NHSL2: variants seen among roughly 807,000 people sequenced by gnomAD.
The protein encoded by NHSL2 is NHS-like protein 2.
A neutral mutation model predicts 53.4 loss-of-function variants in NHSL2; 27 were observed. The observed-to-expected ratio is 0.51, with a 90% CI of 0.37 to 0.70. The LOEUF (loss-of-function observed/expected upper bound fraction) is 0.70. Ranked by LOEUF, NHSL2 falls within the 30% of genes least tolerant of loss-of-function variation. The pLI is 0.00. For synonymous variants in NHSL2, 408 were observed against 404.1 expected (o/e 1.01, Z -0.12); for missense variants, 892 against 980.1 (o/e 0.91, Z 1.20).
chrX:72,144,417 C>A lies in NHSL2; in HGVS notation c.*843C>A. On this transcript the variant is annotated 3_prime_UTR_variant, in exon 8 of 8. Coordinates refer to ENST00000633930, the MANE Select transcript of NHSL2 (RefSeq NM_001013627.3). ...CCATGTGTCTGTCAACAGCGATAGG[C>A]AGGATCTGCGCCCAGCTCATGCTGC... 1 of 653,834 alleles carries A rather than the reference C, an allele frequency of 1.5e-6. No individual in the cohort carries two copies. The highest frequency in any genetic ancestry group is 2.3e-6 in the Non-Finnish European group (1 of 441,368). 53.9% of individuals were successfully genotyped at this position (653,834 alleles called of 1,213,427 possible). A position where few individuals can be genotyped will look rare whatever the true frequency, so the allele number is the denominator to read the frequency against.
In NHSL2 at chrX:72,023,209, C is replaced by T. The variant is rs192654559; in HGVS notation, c.281-108870C>T. The stretch of plus-strand genomic sequence containing the variant: ...AGTAAATTCAAGGCAACAGGGAAGT[C>T]CAATGACATAAGATTGGCAAATTGA... On this transcript the variant is annotated intron_variant, in intron 1 of 7. Transcript: ENST00000633930. Among the ~76,000 whole-genome samples, 343 of 112,646 alleles carry T rather than the reference C, an allele frequency of 3.0e-3. 1 individual carries two copies. Among genetic ancestry groups the T allele is most frequent in the African/African-American group, 0.01 (321 of 30,981 alleles).
chrX:72,071,659 G>A (rs995864111), intron 1 of NHSL2, among the ~76,000 whole-genome samples: 2 of 110,761 alleles, frequency 1.8e-5, no homozygotes, highest in Non-Finnish European at 3.8e-5. Flanking sequence ...CAGAAGCCCC[G>A]ATTGAACACT....
chrX:71,941,744 C>T (rs1411422866), intron 1 of NHSL2, among the ~76,000 whole-genome samples: 2 of 112,249 alleles, frequency 1.8e-5, no homozygotes, highest in East Asian at 5.6e-4. Context: ...TTAGAAAAGA[C>T]ATTAGGGGAG....
chrX:72,100,188 C>T lies in NHSL2; in HGVS notation c.281-31891C>T, dbSNP rs756825082. 1.6e-4 allele frequency among the ~76,000 whole-genome samples: 18 copies of T among 111,720 alleles called. No individual in the cohort carries two copies. The South Asian group carries it at 6.1e-3, about 38-fold the overall frequency. ...CAGGCCTCGCTTCACAATGGGGATACGCTACGAGAGAAATGCGTCATTAGG... is the reference window on the plus strand; with the variant it reads ...CAGGCCTCGCTTCACAATGGGGATATGCTACGAGAGAAATGCGTCATTAGG... On this transcript the variant is annotated intron_variant, in intron 1 of 7. Coordinates refer to ENST00000633930, the MANE Select transcript of NHSL2 (RefSeq NM_001013627.3).
intron 1 of NHSL2, among the ~76,000 whole-genome samples, chrX:71,946,471 A>G (rs950372765): frequency 5.4e-5 from 6 of 111,735 alleles, no homozygotes; most frequent in African/African-American, 2.0e-4. Context: ...GGCAGGCTAT[A>G]CAGAGTGCCA....
rs748895159 is a variant in NHSL2, at chrX:72,145,613, A to G, written c.*2039A>G. The G allele has an allele frequency of 8.9e-6, 1 of 112,603 alleles. No individual in the cohort carries two copies. The highest frequency in any genetic ancestry group is 1.9e-5 in the Non-Finnish European group (1 of 53,324). 9.3% of individuals were successfully genotyped at this position (112,603 alleles called of 1,213,427 possible). On this transcript the variant is annotated 3_prime_UTR_variant, in exon 8 of 8. Transcript: ENST00000633930. ...TGCTCCAGACTTAGAATTCCAAAAAACAGACATTTTCCTCTGTAGTAAATG... is the reference window on the plus strand; with the variant it reads ...TGCTCCAGACTTAGAATTCCAAAAAGCAGACATTTTCCTCTGTAGTAAATG...
intron 1 of NHSL2, among the ~76,000 whole-genome samples, chrX:72,013,996 A>G (rs946159592): frequency 2.7e-5 from 3 of 111,875 alleles, no homozygotes; most frequent in Non-Finnish European, 5.6e-5. Flanking sequence ...CATGTTTTTA[A>G]TAGTTATAGG....
chrX:71,956,630 C>A (rs1362478267), intron 1 of NHSL2, among the ~76,000 whole-genome samples: 1 of 111,598 alleles, frequency 9.0e-6, no homozygotes, highest in Non-Finnish European at 1.9e-5. Context: ...AGGGTCATGG[C>A]TGATGGTCAG....
intron 1 of NHSL2, among the ~76,000 whole-genome samples, chrX:71,985,170 A>G (rs1387652187): frequency 9.0e-5 from 10 of 111,223 alleles, no homozygotes; most frequent in Non-Finnish European, 1.9e-4. Flanking sequence ...TTTAAAGCCG[A>G]GCCCAGCCAT....
chrX:72,052,839 G>A (rs2042348505), intron 1 of NHSL2, among the ~76,000 whole-genome samples: 1 of 111,458 alleles, frequency 9.0e-6, no homozygotes, highest in Non-Finnish European at 1.9e-5. Flanking sequence ...GCTCCCCCCA[G>A]CCCCTCTGTA....
intron 1 of NHSL2, among the ~76,000 whole-genome samples, chrX:72,053,474 G>A (rs752995701): frequency 1.1e-4 from 12 of 111,759 alleles, no homozygotes; most frequent in Non-Finnish European, 2.1e-4. Context: ...TTGAATGCTT[G>A]CATATTTATT....
intron 1 of NHSL2, among the ~76,000 whole-genome samples, chrX:71,931,198 G>A (rs775219108): frequency 3.7e-4 from 42 of 112,206 alleles, no homozygotes; most frequent in Non-Finnish European, 5.6e-4. Context: ...TCTTTTGCCC[G>A]TTTTTGAATT....
chrX:72,149,350 A>AGAT lies in NHSL2; in HGVS notation c.*5777_*5779dup, dbSNP rs1271269877. On this transcript the variant is annotated 3_prime_UTR_variant, in exon 8 of 8. Transcript: ENST00000633930. ...TCTGGCAGAAGTATATTTGATTTTA[A>AGAT]GATTTTTGCCTAAATAGTAGAATTT... 1.8e-5 allele frequency: 2 copies of AGAT among 111,903 alleles called. No individual in the cohort carries two copies. The highest frequency in any genetic ancestry group is 3.8e-5 in the Non-Finnish European group (2 of 53,188). 9.2% of individuals were successfully genotyped at this position (111,903 alleles called of 1,213,427 possible).
chrX:71,949,159 T>A (rs1284175819), intron 1 of NHSL2, among the ~76,000 whole-genome samples: 1 of 111,630 alleles, frequency 9.0e-6, no homozygotes, highest in Non-Finnish European at 1.9e-5. Flanking sequence ...TTATGACATC[T>A]TGGTTTTAGT....
chrX:72,084,563 C>T (rs1042422629), intron 1 of NHSL2, among the ~76,000 whole-genome samples: 2 of 112,116 alleles, frequency 1.8e-5, no homozygotes, highest in East Asian at 5.6e-4. Flanking sequence ...ATGCAGGCTG[C>T]CCCCAGGAGG....
At chrX:71,943,378 A>T (rs1246664835) in intron 1 of NHSL2, among the ~76,000 whole-genome samples, 1 of 112,493 alleles carries the variant, frequency 8.9e-6, no homozygotes, top group Non-Finnish European at 1.9e-5. Context: ...TTTCTCCTGG[A>T]TTGGTTTTCC....
At chrX:71,970,206 C>T (rs1241364386) in intron 1 of NHSL2, among the ~76,000 whole-genome samples, 2 of 111,628 alleles carry the variant, frequency 1.8e-5, no homozygotes, top group African/African-American at 6.5e-5. Flanking sequence ...CTGTAGGTTT[C>T]TTTTCTTGTG....
intron 1 of NHSL2, among the ~76,000 whole-genome samples, chrX:72,038,062 A>C (rs2042250760): frequency 8.9e-6 from 1 of 112,207 alleles, no homozygotes; most frequent in South Asian, 3.7e-4. Context: ...TCCAGGTGCA[A>C]GGTATGAGAG....
At chrX:72,068,980 T>G (rs1336560453) in intron 1 of NHSL2, among the ~76,000 whole-genome samples, 1 of 112,740 alleles carries the variant, frequency 8.9e-6, no homozygotes, top group African/African-American at 3.2e-5. Context: ...AGATTTCTGT[T>G]GGGACTGGAG....
Sources: gnomAD v4.1 joint callset for allele counts (sites outside exome capture counted in the v4.1 genomes callset) on GRCh38, gnomAD v4.1.1 for gene constraint, MANE v1.5 for transcripts, NCBI Gene and HGNC (gene_info 2026-07-23, HGNC 2026-07-21) for gene names.